The following PDZD2 variants were observed in gnomAD, a reference collection of about 807,000 sequenced individuals.
The protein encoded by PDZD2 is PDZ domain-containing protein 2.
PDZD2 carries 90 observed loss-of-function variants against 220.7 expected under a neutral mutation model. The observed-to-expected ratio is 0.41, with a 90% confidence interval of 0.34 to 0.49. PDZD2 has a LOEUF of 0.49. Ranked by LOEUF, PDZD2 falls within the 20% of genes least tolerant of loss-of-function variation. The pLI, the probability that PDZD2 is intolerant of heterozygous loss-of-function variation, is 0.28. For missense variants in PDZD2, 3,174 were observed against 3,608.5 expected (o/e 0.88, Z 3.08); for synonymous variants, 1,375 against 1,450.5 (o/e 0.95, Z 1.18).
chr5:32,040,668 A>C (rs1756016596), intron 7 of PDZD2, among the ~76,000 whole-genome samples: 1 of 121,028 alleles, frequency 8.3e-6, no homozygotes, highest in Non-Finnish European at 1.7e-5. Flanking sequence ...CCTGGCTGCC[A>C]CCCCATCTGG....
intron 1 of PDZD2, among the ~76,000 whole-genome samples, chr5:31,703,616 T>A (rs1747690236): frequency 6.6e-6 from 1 of 152,146 alleles, no homozygotes; most frequent in South Asian, 2.1e-4. Flanking sequence ...GTTCTGCACA[T>A]GTATCCCAGA....
chr5:31,891,969 A>G (rs993748073), intron 2 of PDZD2, among the ~76,000 whole-genome samples: 3 of 151,982 alleles, frequency 2.0e-5, no homozygotes, highest in African/African-American at 7.3e-5. Flanking sequence ...GGACTGCAGT[A>G]GTGCGATCAT....
intron 1 of PDZD2, among the ~76,000 whole-genome samples, chr5:31,720,132 A>G (rs938441153): frequency 1.3e-5 from 2 of 152,204 alleles, no homozygotes; most frequent in Non-Finnish European, 2.9e-5. Context: ...CTTTGACAAA[A>G]TGGCTTCCAG....
At chr5:31,849,953 TATATATATACAC>T (rs1757874086) in intron 2 of PDZD2, among the ~76,000 whole-genome samples, 2 of 22,134 alleles carry the variant, frequency 9.0e-5, no homozygotes, top group African/African-American at 6.7e-4. Flanking sequence ...TATATACATA[TATATATATACAC>T]ATATATATAT....
At chr5:31,745,003 G>T (rs956910050) in intron 1 of PDZD2, among the ~76,000 whole-genome samples, 1 of 152,108 alleles carries the variant, frequency 6.6e-6, no homozygotes, top group African/African-American at 2.4e-5. Context: ...AACCTGGGAG[G>T]CGGAGCTTGC....
chr5:31,667,257 A>AG (rs1554060942), intron 1 of PDZD2, among the ~76,000 whole-genome samples: 14 of 149,532 alleles, frequency 9.4e-5, no homozygotes, highest in African/African-American at 3.5e-4. Context: ...AAAAAAAAAA[A>AG]GAGTACCTGC....
rs565662362 is a variant in PDZD2 at position 31,910,322 on chromosome 5, C to T, written c.477-72833C>T. Among the ~76,000 whole-genome samples, 47 of 147,280 alleles carry T rather than the reference C, an allele frequency of 3.2e-4. No individual in the cohort carries two copies. In the South Asian group the frequency reaches 4.3e-3, roughly 13 times the overall value. Reference sequence around the variant, plus strand: ...GCAACCTCTGCCTCCTAGGTTCAAGCGATTCTCATGACTCAGCCTCCCAAG... The same window carrying T: ...GCAACCTCTGCCTCCTAGGTTCAAGTGATTCTCATGACTCAGCCTCCCAAG... On this transcript the variant is annotated intron_variant, in intron 2 of 24. Coordinates refer to ENST00000438447, the MANE Select transcript of PDZD2 (RefSeq NM_178140.4).
intron 1 of PDZD2, among the ~76,000 whole-genome samples, chr5:31,674,740 T>C (rs1170240116): frequency 2.0e-5 from 3 of 152,186 alleles, no homozygotes; most frequent in Non-Finnish European, 4.4e-5. Context: ...AATGAAACAC[T>C]TGGGAGTCAT....
chr5:31,974,232 T>C (rs1294443492), intron 2 of PDZD2, among the ~76,000 whole-genome samples: 2 of 152,104 alleles, frequency 1.3e-5, no homozygotes, highest in African/African-American at 4.8e-5. Flanking sequence ...CTGCCCACCT[T>C]GGCCTCCAAA....
chr5:31,923,924 C>A (rs1322838345), intron 2 of PDZD2, among the ~76,000 whole-genome samples: 1 of 152,054 alleles, frequency 6.6e-6, no homozygotes, highest in Non-Finnish European at 1.5e-5. Context: ...GTCGTGTCTC[C>A]TGCTTCTGAC....
At chr5:32,010,603 C>A in intron 6 of PDZD2, 121 bp downstream of exon 6, 1 of 760,588 alleles carries the variant, frequency 1.3e-6, no homozygotes, top group East Asian at 2.5e-5. Flanking sequence ...GAAAAGACAC[C>A]AGTGCATTCT....
At chr5:31,890,743 G>A (rs1740955345) in intron 2 of PDZD2, among the ~76,000 whole-genome samples, 1 of 152,118 alleles carries the variant, frequency 6.6e-6, no homozygotes, top group African/African-American at 2.4e-5. Flanking sequence ...GTCCCTGTGG[G>A]CCCCTAAATC....
chr5:31,665,644 T>TCCCC (rs5867091), intron 1 of PDZD2, among the ~76,000 whole-genome samples: 5 of 119,176 alleles, frequency 4.2e-5, no homozygotes, highest in Non-Finnish European at 6.9e-5. Context: ...AAGTTCCCCC[T>TCCCC]CCCCCCCCTC....
At chr5:31,932,609 C>CTA (rs1561117976) in intron 2 of PDZD2, among the ~76,000 whole-genome samples, 3 of 152,204 alleles carry the variant, frequency 2.0e-5, no homozygotes, top group African/African-American at 7.2e-5. Context: ...ACTTCACACA[C>CTA]TTAATATAAA....
At chr5:31,923,319 T>C (rs923388549) in intron 2 of PDZD2, 5 of 729,232 alleles carry the variant, frequency 6.9e-6, no homozygotes, top group East Asian at 2.5e-5. Context: ...GGATTCCCGA[T>C]GCGGTGGTTG....
intron 1 of PDZD2, among the ~76,000 whole-genome samples, chr5:31,677,739 C>T (rs1052637319): frequency 6.6e-6 from 1 of 152,004 alleles, no homozygotes; most frequent in East Asian, 1.9e-4. Flanking sequence ...GATCATTATG[C>T]TGAGTGAAAG....
chr5:31,773,272 A>G (rs933610921), intron 1 of PDZD2, among the ~76,000 whole-genome samples: 1 of 152,206 alleles, frequency 6.6e-6, no homozygotes, highest in Non-Finnish European at 1.5e-5. Context: ...TTATTTAATC[A>G]TGAGACAATG....
chr5:31,725,150 G>A (rs1749046358), intron 1 of PDZD2, among the ~76,000 whole-genome samples: 1 of 151,800 alleles, frequency 6.6e-6, no homozygotes, highest in Non-Finnish European at 1.5e-5. Context: ...GACCAACATG[G>A]AGAAACCCCA....
intron 5 of PDZD2, among the ~76,000 whole-genome samples, chr5:32,003,323 A>ACACACCC (rs1752477828): frequency 7.2e-5 from 2 of 27,588 alleles, no homozygotes; most frequent in African/African-American, 3.0e-4. Context: ...CACCCCACAC[A>ACACACCC]CACACCCCCA....
Sources: allele counts gnomAD v4.1 joint callset (sites outside exome capture counted in the v4.1 genomes callset), GRCh38; gene constraint gnomAD v4.1.1; transcripts MANE v1.5; gene names NCBI Gene and HGNC (gene_info 2026-07-23, HGNC 2026-07-21).